The following HTR2A variants were observed in gnomAD, a reference collection of about 807,000 sequenced individuals.
The protein encoded by HTR2A is 5-hydroxytryptamine receptor 2A.
HTR2A carries 14 observed loss-of-function variants against 31.0 expected under a neutral mutation model. That is an observed-to-expected ratio of 0.45 (90% CI 0.30 to 0.71). The LOEUF is 0.71. HTR2A is among the 30% of genes least tolerant of loss of function. The pLI is 0.09. For synonymous variants in HTR2A, 209 were observed against 225.2 expected, an observed-to-expected ratio of 0.93 and a Z score of 0.64; for missense variants, 442 against 573.3, an observed-to-expected ratio of 0.77 and a Z score of 2.34.
intron 3 of HTR2A, among the ~76,000 whole-genome samples, chr13:46,867,122 C>T (rs77389282): frequency 1.3e-5 from 2 of 152,112 alleles, no homozygotes; most frequent in African/African-American, 2.4e-5. Context: ...TCAGGATAAG[C>T]CTCACTGAGA....
intron 2 of HTR2A, among the ~76,000 whole-genome samples, chr13:46,894,066 G>T (rs974257495): frequency 6.6e-6 from 1 of 152,250 alleles, no homozygotes; most frequent in African/African-American, 2.4e-5. Context: ...GGGTTTCTCT[G>T]CCAGGAGGCG....
At chr13:46,868,953 C>T (rs1950842325) in intron 3 of HTR2A, among the ~76,000 whole-genome samples, 1 of 152,048 alleles carries the variant, frequency 6.6e-6, no homozygotes, top group African/African-American at 2.4e-5. Flanking sequence ...CAAACAGTGA[C>T]TGGACTTATG....
chr13:46,880,219 T>C (rs1359148050), intron 3 of HTR2A, among the ~76,000 whole-genome samples: 1 of 152,076 alleles, frequency 6.6e-6, no homozygotes, highest in Non-Finnish European at 1.5e-5. Context: ...AGGAGTAGGA[T>C]ACTAGGACAC....
Position 46,896,959 on chromosome 13 carries a change from C to T in HTR2A, c.-614G>A. The T allele has an allele frequency of 1.3e-6, 1 of 767,280 alleles. No individual in the cohort carries two copies. Among genetic ancestry groups the T allele is most frequent in the South Asian group, 1.7e-5 (1 of 59,384 alleles). 47.5% of individuals were successfully genotyped at this position (767,280 alleles called of 1,614,324 possible). On this transcript the variant is annotated 5_prime_UTR_variant, in exon 1 of 4. Coordinates refer to ENST00000542664, the MANE Select transcript of HTR2A (RefSeq NM_000621.5). ...CACACATTTAGAAATCATTCACGAG[C>T]CCCTCAAAGTCGCACAAAAGAACTG... is the stretch of plus-strand genomic sequence containing the variant.
chr13:46,837,439 T>C (rs894811774), intron 3 of HTR2A, among the ~76,000 whole-genome samples: 2 of 152,190 alleles, frequency 1.3e-5, no homozygotes, highest in African/African-American at 2.4e-5. Flanking sequence ...ATGGTAGATA[T>C]TGCAGGGACA....
intron 3 of HTR2A, among the ~76,000 whole-genome samples, chr13:46,851,238 T>C (rs1017243545): frequency 1.3e-5 from 2 of 152,216 alleles, no homozygotes; most frequent in South Asian, 2.1e-4. Context: ...GGATAGTACT[T>C]TTCTAGAGAA....
Position 46,896,658 on chromosome 13 carries a change from C to T in HTR2A, c.-329+16G>A, listed in dbSNP as rs765052305. ...AAAATTACACAGCAATAAAATATAG[C>T]GGCATGAGAACTTACATTTGTCTTC... On this transcript the variant is annotated intron_variant, in intron 1 of 3. Transcript: ENST00000542664. The T allele has an allele frequency of 4.7e-5, 71 of 1,499,836 alleles. No homozygotes were observed. In the South Asian group the frequency reaches 6.0e-4, roughly 13 times the overall value. The allele number at this position is 1,499,836 out of a possible 1,614,324, so 92.9% of individuals were successfully genotyped here. A position where few individuals can be genotyped will look rare whatever the true frequency, so the allele number is the denominator to read the frequency against.
At chr13:46,885,664 T>C (rs1315028000) in intron 3 of HTR2A, among the ~76,000 whole-genome samples, 1 of 152,230 alleles carries the variant, frequency 6.6e-6, no homozygotes. Context: ...TTTTGCTAGA[T>C]GGCCCAAGAA....
At chr13:46,890,744 A>C (rs779965356) in intron 3 of HTR2A, among the ~76,000 whole-genome samples, 1 of 152,116 alleles carries the variant, frequency 6.6e-6, no homozygotes, top group Non-Finnish European at 1.5e-5. Context: ...AACTATGGAC[A>C]GTGTATCAGG....
Position 46,831,727 on chromosome 13 carries a change from G to C in HTR2A, c.*3110C>G, listed in dbSNP as rs1257110723. The C allele has an allele frequency of 6.6e-6, 1 of 152,204 alleles. No individual in the cohort carries two copies. The highest frequency in any genetic ancestry group is 1.5e-5 in the Non-Finnish European group (1 of 68,034). The allele number at this position is 152,204 out of a possible 1,614,324, so 9.4% of individuals were successfully genotyped here. On this transcript the variant is annotated 3_prime_UTR_variant, in exon 4 of 4. Coordinates refer to ENST00000542664, the MANE Select transcript of HTR2A (RefSeq NM_000621.5). ...ACAAATGGGAGGAGCACCCTTTGCTGAAAGCAGTACAGTGACTTAGTTCAA... is the reference window on the plus strand; with the variant it reads ...ACAAATGGGAGGAGCACCCTTTGCTCAAAGCAGTACAGTGACTTAGTTCAA...
chr13:46,879,871 G>T (rs984298513), intron 3 of HTR2A, among the ~76,000 whole-genome samples: 1 of 152,134 alleles, frequency 6.6e-6, no homozygotes, highest in Non-Finnish European at 1.5e-5. Flanking sequence ...CAGGTGTGGT[G>T]ACATGCACCT....
At chr13:46,857,297 TAAAAA>T (rs34073547) in intron 3 of HTR2A, among the ~76,000 whole-genome samples, 4 of 133,522 alleles carry the variant, frequency 3.0e-5, no homozygotes, top group Non-Finnish European at 6.4e-5. Context: ...GACTCCATCT[TAAAAA>T]AAAAAAAAAA....
intron 3 of HTR2A, among the ~76,000 whole-genome samples, chr13:46,887,422 C>A (rs371744345): frequency 0.015 from 1,473 of 100,476 alleles, 1 homozygote; most frequent in East Asian, 0.017. Context: ...GACTCTGTCT[C>A]AAAAAAAAAA....
intron 3 of HTR2A, among the ~76,000 whole-genome samples, chr13:46,890,666 G>A (rs1337380207): frequency 6.6e-6 from 1 of 152,222 alleles, no homozygotes; most frequent in African/African-American, 2.4e-5. Flanking sequence ...GGGAGTCAGT[G>A]TGGCTGAGGA....
chr13:46,837,088 C>T (rs1950567742), intron 3 of HTR2A, among the ~76,000 whole-genome samples: 2 of 152,134 alleles, frequency 1.3e-5, no homozygotes, highest in Admixed American at 6.6e-5. Context: ...GTAAGGCTCC[C>T]TCAGGTACAG....
intron 3 of HTR2A, among the ~76,000 whole-genome samples, chr13:46,853,130 A>T (rs1950701119): frequency 6.6e-6 from 1 of 152,150 alleles, no homozygotes; most frequent in Non-Finnish European, 1.5e-5. Context: ...TTTTCTTGTG[A>T]CTTTATATCC....
chr13:46,868,567 C>T (rs991227800), intron 3 of HTR2A, among the ~76,000 whole-genome samples: 1 of 152,114 alleles, frequency 6.6e-6, no homozygotes, highest in Non-Finnish European at 1.5e-5. Context: ...ACAGATATAT[C>T]ATTTTTACTA....
At chr13:46,892,639 G>C in intron 2 of HTR2A, 49 bp from the exon 3 acceptor site, 1 of 1,507,690 alleles carries the variant, frequency 6.6e-7, no homozygotes, top group South Asian at 1.1e-5. Context: ...GCCTCCTGGA[G>C]CACATGTATC....
At position 46,896,034 on chromosome 13, in the gene HTR2A, G is replaced by C; in HGVS notation, c.-128C>G. ...CTGGTGTACATGCTGTTCTCCCGGGGCTGGATTTTTGTCTTCCATTATTAC... is the reference window on the plus strand; with the variant it reads ...CTGGTGTACATGCTGTTCTCCCGGGCCTGGATTTTTGTCTTCCATTATTAC... On this transcript the variant is annotated 5_prime_UTR_variant, in exon 2 of 4. Transcript: ENST00000542664. 4 of 1,421,360 alleles carry C rather than the reference G, an allele frequency of 2.8e-6. No homozygotes were observed. The highest frequency in any genetic ancestry group is 3.7e-6 in the Non-Finnish European group (4 of 1,094,990). 88.0% of individuals were successfully genotyped at this position (1,421,360 alleles called of 1,614,324 possible).
Sources: allele counts gnomAD v4.1 joint callset (sites outside exome capture counted in the v4.1 genomes callset), GRCh38; gene constraint gnomAD v4.1.1; transcripts MANE v1.5; gene names NCBI Gene and HGNC (gene_info 2026-07-23, HGNC 2026-07-21).